Variants in SRPK1 observed in about 807,000 individuals in gnomAD.
SRPK1 encodes SFRS protein kinase 1.
SRPK1 carries 52 observed loss-of-function variants against 89.5 expected under a neutral mutation model. The ratio of observed to expected loss-of-function variants is 0.58; its 90% CI spans 0.46 to 0.73. The LOEUF is 0.73. Ranked by LOEUF, SRPK1 falls within the 30% of genes least tolerant of loss-of-function variation. The pLI is 0.00. For synonymous variants in SRPK1, 255 were observed against 270.2 expected (o/e 0.94, Z 0.55); for missense variants, 603 against 780.6 (o/e 0.77, Z 2.71).
intron 13 of SRPK1, among the ~76,000 whole-genome samples, chr6:35,854,382 G>A (rs555515823): frequency 5.5e-4 from 84 of 152,178 alleles, no homozygotes; most frequent in Non-Finnish European, 1.0e-3. Context: ...TACATTGGAT[G>A]CAGGATGATC....
intron 2 of SRPK1, among the ~76,000 whole-genome samples, chr6:35,892,897 T>G (rs1770552135): frequency 6.6e-6 from 1 of 152,254 alleles, no homozygotes; most frequent in Non-Finnish European, 1.5e-5. Flanking sequence ...CTGAGCTATT[T>G]AAGACATAAG....
At chr6:35,861,279 T>C (rs1398214350) in intron 12 of SRPK1, among the ~76,000 whole-genome samples, 1 of 152,190 alleles carries the variant, frequency 6.6e-6, no homozygotes, top group Non-Finnish European at 1.5e-5. Context: ...ATGGGTTTTA[T>C]GATCTTGGTT....
intron 13 of SRPK1, among the ~76,000 whole-genome samples, chr6:35,854,841 A>T (rs1459158302): frequency 6.6e-6 from 1 of 151,820 alleles, no homozygotes. Flanking sequence ...AGTTGGTGGC[A>T]TCTCTATCAT....
chr6:35,890,272 A>G (rs1248064510), intron 3 of SRPK1, among the ~76,000 whole-genome samples: 1 of 152,126 alleles, frequency 6.6e-6, no homozygotes, highest in African/African-American at 2.4e-5. Flanking sequence ...AAACAAAAAA[A>G]CCCCCAAAAA....
At position 35,858,160 on chromosome 6, in the gene SRPK1, C is replaced by T. The variant is rs545947817; in HGVS notation, c.1513-792G>A. On this transcript the variant is annotated intron_variant, in intron 12 of 15. Transcript: ENST00000373825. ...AGTAGAAAGAATCATGAACCCCATGCCATTTATTATACTAGTGTCACCTAG... is the reference window on the plus strand; with the variant it reads ...AGTAGAAAGAATCATGAACCCCATGTCATTTATTATACTAGTGTCACCTAG... 8.1e-4 allele frequency among the ~76,000 whole-genome samples: 124 copies of T among 152,170 alleles called. 1 individual carries two copies. Among genetic ancestry groups the T allele is most frequent in the African/African-American group, 2.8e-3 (117 of 41,518 alleles).
In SRPK1 at chr6:35,885,296, C is replaced by CAG. The variant is rs879265572; in HGVS notation, c.478+1427_478+1428insCT. Among the ~76,000 whole-genome samples the CAG allele has an allele frequency of 4.9e-3, 601 of 123,814 alleles. 1 individual carries two copies. Among genetic ancestry groups the CAG allele is most frequent in the Middle Eastern group, 0.012 (3 of 256 alleles). 81.2% of individuals were successfully genotyped at this position (123,814 alleles called of 152,430 possible). A position where few individuals can be genotyped will look rare whatever the true frequency, so the allele number is the denominator to read the frequency against. On this transcript the variant is annotated intron_variant, in intron 6 of 15. Coordinates refer to ENST00000373825, the MANE Select transcript of SRPK1 (RefSeq NM_003137.5). ...ACACACACACACACACACACACACACACAGAGAGAGAGAGAGAGAGAGAGA... is the reference window on the plus strand; with the variant it reads ...ACACACACACACACACACACACACACAGACAGAGAGAGAGAGAGAGAGAGAGA...
intron 12 of SRPK1, among the ~76,000 whole-genome samples, chr6:35,866,064 T>G (rs1022409003): frequency 6.8e-5 from 10 of 147,978 alleles, no homozygotes; most frequent in Admixed American, 2.7e-4. Context: ...AGGACACGAA[T>G]AGGGATTTTT....
intron 13 of SRPK1, 50 bp downstream of exon 13, chr6:35,857,211 G>T: frequency 1.5e-6 from 2 of 1,356,582 alleles, no homozygotes; most frequent in Non-Finnish European, 2.1e-6. Flanking sequence ...AGCAAACAGG[G>T]CAAGATATGT....
At chr6:35,837,470 GA>G in intron 15 of SRPK1, among the ~76,000 whole-genome samples, 1 of 152,318 alleles carries the variant, frequency 6.6e-6, no homozygotes, top group Admixed American at 6.5e-5. Context: ...TCTCCATTAA[GA>G]AATCAGCAAA....
At chr6:35,857,033 TA>T (rs1186790968) in intron 13 of SRPK1, 2 of 442,848 alleles carry the variant, frequency 4.5e-6, no homozygotes, top group Non-Finnish European at 8.0e-6. Context: ...CAATCTGTAG[TA>T]AGAAACTTTT....
chr6:35,869,599 T>C lies in SRPK1; in HGVS notation c.1294A>G (p.Thr432Ala), dbSNP rs1391039123. The change falls in exon 11 of 16, where the codon ACT becomes GCT. Residue 432 changes from threonine to alanine, a missense_variant. Coordinates refer to ENST00000373825, the MANE Select transcript of SRPK1 (RefSeq NM_003137.5). The stretch of plus-strand genomic sequence containing the variant: ...TGTTCACTGAATGACTGACCTACAG[T>C]TGAGGAAGACTGGCACACCATGGTG... The part of the protein sequence containing the change: ...SDTMVCQSSS[T>A]VGQSFSEQHI... 1.9e-6 allele frequency: 3 copies of C among 1,613,880 alleles called. No individual in the cohort carries two copies. In the African/African-American group the frequency reaches 4.0e-5, roughly 22 times the overall value.
chr6:35,890,303 C>A (rs1770493391), intron 3 of SRPK1, among the ~76,000 whole-genome samples: 1 of 152,124 alleles, frequency 6.6e-6, no homozygotes, highest in African/African-American at 2.4e-5. Flanking sequence ...AGAAGAAGGC[C>A]TGAAAAGGCT....
chr6:35,834,855 G>A lies in SRPK1; in HGVS notation c.*449C>T, dbSNP rs1769141719. On this transcript the variant is annotated 3_prime_UTR_variant, in exon 16 of 16. Coordinates refer to ENST00000373825, the MANE Select transcript of SRPK1 (RefSeq NM_003137.5). The stretch of plus-strand genomic sequence containing the variant: ...GCAGCCCGGACACAGCAAGTTTAAT[G>A]TCTCTGCTGTACATAGAATTAAGAC... 6.5e-6 allele frequency: 1 copy of A among 152,820 alleles called. No homozygotes were observed. Among genetic ancestry groups the A allele is most frequent in the Non-Finnish European group, 1.5e-5 (1 of 68,418 alleles). 9.5% of individuals were successfully genotyped at this position (152,820 alleles called of 1,614,324 possible).
Position 35,885,180 on chromosome 6 carries a change from T to C in SRPK1, c.478+1544A>G, listed in dbSNP as rs192701621. ...TGACAAACATTACAAGATTAAATAA[T>C]AGAAAAAACAGATATGGCCATCACG... On this transcript the variant is annotated intron_variant, in intron 6 of 15. Transcript: ENST00000373825. 2.0e-3 allele frequency among the ~76,000 whole-genome samples: 303 copies of C among 150,924 alleles called. 5 individuals carry two copies. The highest frequency in any genetic ancestry group is 9.7e-4 in the Non-Finnish European group (66 of 67,800).
chr6:35,880,756 G>GAAAAA (rs1770266795), intron 6 of SRPK1, among the ~76,000 whole-genome samples: 7 of 40,174 alleles, frequency 1.7e-4, no homozygotes, highest in Non-Finnish European at 2.3e-4. Context: ...AAAAAGAAAA[G>GAAAAA]AAAAGAAGAA....
At position 35,883,793 on chromosome 6, in the gene SRPK1, G is replaced by A. The variant is rs1770347179; in HGVS notation, c.478+2931C>T. On this transcript the variant is annotated intron_variant, in intron 6 of 15. Transcript: ENST00000373825. ...CTGTCGCCCAGGCTGGAGTGCAGTT[G>A]GCGCTATCTTGGCTCACTGCAATCT... 9.3e-5 allele frequency among the ~76,000 whole-genome samples: 14 copies of A among 151,144 alleles called. No homozygotes were observed. In the South Asian group the frequency reaches 2.7e-3, roughly 29 times the overall value.
chr6:35,870,847 T>C (rs1770021129), intron 9 of SRPK1, 87 bp downstream of exon 9: 1 of 1,205,420 alleles, frequency 8.3e-7, no homozygotes, highest in Admixed American at 2.6e-5. Flanking sequence ...TTCTCAAACT[T>C]GAAACAAACT....
chr6:35,893,869 G>C (rs1770572901), intron 2 of SRPK1, among the ~76,000 whole-genome samples: 1 of 152,028 alleles, frequency 6.6e-6, no homozygotes, highest in Admixed American at 6.6e-5. Context: ...AAATTAGCCA[G>C]GCACAGTGGC....
At chr6:35,914,455 C>T (rs1252034665) in intron 2 of SRPK1, among the ~76,000 whole-genome samples, 1 of 152,138 alleles carries the variant, frequency 6.6e-6, no homozygotes, top group Admixed American at 6.6e-5. Flanking sequence ...AAGAACACTC[C>T]CATTTCCACT....
Sources: gnomAD v4.1 joint callset for allele counts (sites outside exome capture counted in the v4.1 genomes callset) on GRCh38, gnomAD v4.1.1 for gene constraint, MANE v1.5 for transcripts, NCBI Gene and HGNC (gene_info 2026-07-23, HGNC 2026-07-21) for gene names.